SLCO1B1: variants seen among roughly 807,000 people sequenced by gnomAD.
The protein encoded by SLCO1B1 is solute carrier organic anion transporter family member 1B1.
Under a neutral mutation model 70.1 loss-of-function variants are expected in SLCO1B1, and 81 were observed. That is an observed-to-expected ratio of 1.16 (90% confidence interval 0.97 to 1.39). The LOEUF (loss-of-function observed/expected upper bound fraction) is 1.39, where lower values mean the gene tolerates loss of function less well. Ranked by LOEUF, SLCO1B1 falls within the 40% of genes most tolerant of loss-of-function variation. The pLI is 0.00. For synonymous variants in SLCO1B1, 283 were observed against 271.5 expected, an observed-to-expected ratio of 1.04 and a Z score of -0.42; for missense variants, 895 against 799.6, an observed-to-expected ratio of 1.12 and a Z score of -1.44.
At chr12:21,174,771 G>T in intron 4 of SLCO1B1, 62 bp downstream of exon 4, 2 of 1,536,596 alleles carry the variant, frequency 1.3e-6, no homozygotes, top group Non-Finnish European at 1.8e-6. Context: ...ATTAGGAGTA[G>T]AATTTTATTA....
chr12:21,150,399 G>A (rs893260207), intron 2 of SLCO1B1, among the ~76,000 whole-genome samples: 1 of 152,254 alleles, frequency 6.6e-6, no homozygotes, highest in African/African-American at 2.4e-5. Flanking sequence ...TCCTGACTGG[G>A]AGACACCTCA....
intron 2 of SLCO1B1, among the ~76,000 whole-genome samples, chr12:21,172,439 C>G (rs1940767232): frequency 6.6e-6 from 1 of 152,118 alleles, no homozygotes; most frequent in Non-Finnish European, 1.5e-5. Flanking sequence ...ATATTATAAC[C>G]AAATTAGAAA....
intron 7 of SLCO1B1, among the ~76,000 whole-genome samples, chr12:21,182,883 A>G (rs909521937): frequency 1.3e-5 from 2 of 152,160 alleles, no homozygotes; most frequent in Admixed American, 6.5e-5. Flanking sequence ...GACATGCCTC[A>G]TTTCATAGGC....
intron 2 of SLCO1B1, among the ~76,000 whole-genome samples, chr12:21,148,824 T>G (rs1484523697): frequency 6.6e-6 from 1 of 151,908 alleles, no homozygotes; most frequent in Admixed American, 6.6e-5. Context: ...AGTATGGCCA[T>G]TTTTACAATA....
intron 11 of SLCO1B1, among the ~76,000 whole-genome samples, chr12:21,216,291 A>G (rs552041127): frequency 2.4e-4 from 37 of 152,262 alleles, no homozygotes; most frequent in South Asian, 2.1e-3. Context: ...AAAAAATAGT[A>G]AGAACTGTAA....
At position 21,224,782 on chromosome 12, in the gene SLCO1B1, C is replaced by A; in HGVS notation, c.1808C>A (p.Ser603Tyr). Residue 603 changes from serine to tyrosine, a missense_variant, in exon 14 of 15, where the codon TCC becomes TAC. By Grantham distance (144) the Ser-to-Tyr change is moderately radical. Transcript: ENST00000256958. ...ATTGATACAACGTGTATAAAGTGGT[C>A]CACCAACAACTGTGGCACACGTGGG... Reference protein sequence around the residue: ...ALIDTTCIKWSTNNCGTRGSC... With the variant: ...ALIDTTCIKWYTNNCGTRGSC... 6.2e-7 allele frequency: 1 copy of A among 1,611,774 alleles called. No homozygotes were observed. The highest frequency in any genetic ancestry group is 1.1e-5 in the South Asian group (1 of 90,718).
intron 2 of SLCO1B1, among the ~76,000 whole-genome samples, chr12:21,172,284 C>T (rs1940765194): frequency 1.3e-5 from 2 of 152,180 alleles, no homozygotes; most frequent in African/African-American, 4.8e-5. Flanking sequence ...TGCCACTCCC[C>T]TCCCAGTTAG....
intron 1 of SLCO1B1, among the ~76,000 whole-genome samples, chr12:21,134,305 G>T (rs1411401534): frequency 6.6e-6 from 1 of 151,992 alleles, no homozygotes; most frequent in Non-Finnish European, 1.5e-5. Flanking sequence ...TTTTTTTGTT[G>T]TTTCTCTGCC....
At chr12:21,211,936 T>G (rs1292771016) in intron 11 of SLCO1B1, among the ~76,000 whole-genome samples, 1 of 150,390 alleles carries the variant, frequency 6.6e-6, no homozygotes, top group Admixed American at 6.6e-5. Context: ...ATTGTGTCTA[T>G]TAGATTCTTC....
chr12:21,160,129 A>G (rs947906678), intron 2 of SLCO1B1, among the ~76,000 whole-genome samples: 9 of 144,506 alleles, frequency 6.2e-5, no homozygotes, highest in African/African-American at 2.3e-4. Flanking sequence ...AAAAAAAACT[A>G]TTTTGAAATT....
chr12:21,223,115 G>T (rs1228206601), intron 13 of SLCO1B1, among the ~76,000 whole-genome samples: 19 of 152,192 alleles, frequency 1.2e-4, no homozygotes, highest in Non-Finnish European at 2.4e-4. Context: ...CATCTGGGTT[G>T]TTAGTACTCC....
At chr12:21,167,477 C>G (rs1026398613) in intron 2 of SLCO1B1, among the ~76,000 whole-genome samples, 1 of 152,142 alleles carries the variant, frequency 6.6e-6, no homozygotes, top group Non-Finnish European at 1.5e-5. Context: ...TGCAGCCACT[C>G]TGGCACTTTA....
At position 21,224,754 on chromosome 12, in the gene SLCO1B1, C is replaced by A; in HGVS notation, c.1780C>A (p.Leu594Met). ...TCTAGCTCCAATATATTTTGGGGCT[C>A]TGATTGATACAACGTGTATAAAGTG... ...GILAPIYFGA[L>M]IDTTCIKWST... is the part of the protein sequence containing the mutation. The change falls in exon 14 of 15, where the codon CTG becomes ATG. Residue 594 changes from leucine (L) to methionine (M), a missense_variant. Coordinates refer to ENST00000256958, the MANE Select transcript of SLCO1B1 (RefSeq NM_006446.5). 6.2e-7 allele frequency: 1 copy of A among 1,611,954 alleles called. No individual in the cohort carries two copies. The highest frequency in any genetic ancestry group is 8.5e-7 in the Non-Finnish European group (1 of 1,178,700).
At position 21,205,966 on chromosome 12, in the gene SLCO1B1, A is replaced by G. The variant is rs781211732; in HGVS notation, c.1430A>G (p.Asn477Ser). Residue 477 changes from asparagine (N) to serine (S), a missense_variant, in exon 11 of 15, where the codon AAT becomes AGT. Asn to Ser is a conservative substitution (Grantham distance 46). Coordinates refer to ENST00000256958, the MANE Select transcript of SLCO1B1 (RefSeq NM_006446.5). ...ESQWEPVCGNNGITYISPCLA... is the reference protein window; with the variant it reads ...ESQWEPVCGNSGITYISPCLA... ...CAATGGGAACCAGTCTGTGGAAACA[A>G]TGGAATAACTTACATCTCACCCTGT... The G allele has an allele frequency of 2.5e-6, 4 of 1,612,338 alleles. No individual in the cohort carries two copies. The highest frequency in any genetic ancestry group is 2.5e-6 in the Non-Finnish European group (3 of 1,178,748).
chr12:21,137,293 G>A (rs1264606868), intron 1 of SLCO1B1, among the ~76,000 whole-genome samples: 1 of 152,178 alleles, frequency 6.6e-6, no homozygotes, highest in African/African-American at 2.4e-5. Context: ...CCCACTTGAG[G>A]AGGCAGTCTG....
chr12:21,217,054 A>G (rs1475726165), intron 11 of SLCO1B1, 65 bp from the exon 12 acceptor site: 13 of 1,165,248 alleles, frequency 1.1e-5, no homozygotes, highest in Admixed American at 8.5e-5. Flanking sequence ...ATATAATGCA[A>G]TGTATTTGCA....
chr12:21,195,775 C>A (rs1220549164), intron 7 of SLCO1B1, among the ~76,000 whole-genome samples: 1 of 152,170 alleles, frequency 6.6e-6, no homozygotes, highest in Admixed American at 6.5e-5. Flanking sequence ...AAGCTGCCTT[C>A]TTTATTTTCC....
intron 1 of SLCO1B1, among the ~76,000 whole-genome samples, chr12:21,131,955 T>C (rs946248780): frequency 2.6e-5 from 4 of 152,116 alleles, no homozygotes; most frequent in African/African-American, 9.7e-5. Flanking sequence ...TCATTTAACA[T>C]TGGGCATATC....
Position 21,193,348 on chromosome 12 carries a change from G to C in SLCO1B1, c.728-3598G>C, listed in dbSNP as rs149192497. Reference sequence around the variant, plus strand: ...AACTGTAATACACTATTTTATATAAGAGACTGGAGCATCCTTGGATTTTGG... The same window carrying C: ...AACTGTAATACACTATTTTATATAACAGACTGGAGCATCCTTGGATTTTGG... On this transcript the variant is annotated intron_variant, in intron 7 of 14. Coordinates refer to ENST00000256958, the MANE Select transcript of SLCO1B1 (RefSeq NM_006446.5). 2.4e-3 allele frequency among the ~76,000 whole-genome samples: 365 copies of C among 152,218 alleles called. 1 individual carries two copies. Among genetic ancestry groups the C allele is most frequent in the African/African-American group, 8.5e-3 (353 of 41,534 alleles).
Sources: gnomAD v4.1 joint callset for allele counts (sites outside exome capture counted in the v4.1 genomes callset) on GRCh38, gnomAD v4.1.1 for gene constraint, MANE v1.5 for transcripts, NCBI Gene and HGNC (gene_info 2026-07-23, HGNC 2026-07-21) for gene names.